HMCN1: variants seen among roughly 807,000 people sequenced by gnomAD.
The protein encoded by HMCN1 is hemicentin-1.
Under a neutral mutation model 625.9 loss-of-function variants are expected in HMCN1, and 321 were observed. The ratio of observed to expected loss-of-function variants is 0.51; its 90% confidence interval spans 0.47 to 0.56. HMCN1 has a LOEUF of 0.56. HMCN1 is among the 20% of genes least tolerant of loss of function. The probability of loss-of-function intolerance (pLI) is 0.00; values close to 1 mark genes in which losing one functional copy is unlikely to be tolerated. For synonymous variants in HMCN1, 2,425 were observed against 2,417.6 expected, an observed-to-expected ratio of 1.00 and a Z score of -0.09; for missense variants, 6,588 against 6,887.3, an observed-to-expected ratio of 0.96 and a Z score of 1.54.
intron 11 of HMCN1, among the ~76,000 whole-genome samples, chr1:185,951,463 A>G (rs1668667550): frequency 6.7e-6 from 1 of 150,270 alleles, no homozygotes; most frequent in Non-Finnish European, 1.5e-5. Context: ...GTATTGATTA[A>G]GAAGGGGATG....
intron 95 of HMCN1, 143 bp from the exon 96 acceptor site, chr1:186,152,607 G>C: frequency 1.1e-6 from 1 of 924,952 alleles, no homozygotes; most frequent in Non-Finnish European, 1.7e-6. Context: ...GGGAGGTTAA[G>C]TGCTATTTCA....
intron 1 of HMCN1, among the ~76,000 whole-genome samples, chr1:185,833,797 T>C (rs898971853): frequency 6.6e-6 from 1 of 152,290 alleles, no homozygotes; most frequent in East Asian, 1.9e-4. Context: ...AATTGTTTTT[T>C]CCTGACAGCC....
At chr1:185,870,812 G>A (rs1372449724) in intron 4 of HMCN1, among the ~76,000 whole-genome samples, 1 of 152,206 alleles carries the variant, frequency 6.6e-6, no homozygotes, top group Non-Finnish European at 1.5e-5. Context: ...CAGGGTATCA[G>A]TAACTGAAGC....
intron 25 of HMCN1, among the ~76,000 whole-genome samples, chr1:185,998,394 A>T (rs965455538): frequency 1.3e-5 from 2 of 152,132 alleles, no homozygotes; most frequent in African/African-American, 4.8e-5. Flanking sequence ...TGCCATGATT[A>T]CTTTATTTTC....
intron 38 of HMCN1, among the ~76,000 whole-genome samples, chr1:186,039,294 C>T (rs1220251450): frequency 1.3e-5 from 2 of 152,072 alleles, no homozygotes; most frequent in Non-Finnish European, 2.9e-5. Context: ...CTGAAAGAAT[C>T]ATAGGTATTA....
chr1:186,151,599 T>C lies in HMCN1; in HGVS notation c.14759-7T>C. ...CTATCACCTTATTTATCCTTTTTTT[T>C]CTTTAGGTTCAGCAATGAGAAAGAT... On this transcript the variant is annotated splice_region_variant and splice_polypyrimidine_tract_variant and intron_variant, in intron 94 of 106. Transcript: ENST00000271588. 1.2e-6 allele frequency: 2 copies of C among 1,610,600 alleles called. No homozygotes were observed. The highest frequency in any genetic ancestry group is 1.7e-5 in the Admixed American group (1 of 59,722).
At chr1:185,745,767 T>G (rs1557937260) in intron 1 of HMCN1, among the ~76,000 whole-genome samples, 1 of 152,236 alleles carries the variant, frequency 6.6e-6, no homozygotes, top group African/African-American at 2.4e-5. Flanking sequence ...CATTTCCAAC[T>G]GTCAGTGTTA....
chr1:186,049,200 G>A (rs577124080), intron 42 of HMCN1, among the ~76,000 whole-genome samples: 2 of 152,168 alleles, frequency 1.3e-5, no homozygotes, highest in African/African-American at 4.8e-5. Context: ...TGTGAACTGT[G>A]TGTGTGTATG....
intron 2 of HMCN1, among the ~76,000 whole-genome samples, chr1:185,860,991 C>A (rs1662833787): frequency 6.6e-6 from 1 of 152,030 alleles, no homozygotes; most frequent in Non-Finnish European, 1.5e-5. Flanking sequence ...GTCTTAGAGA[C>A]CCTATTTCAG....
At chr1:185,819,237 CAAA>C (rs575598587) in intron 1 of HMCN1, among the ~76,000 whole-genome samples, 6,143 of 125,118 alleles carry the variant, frequency 0.049, 446 homozygotes, top group African/African-American at 0.16. Context: ...ATCTCCATCT[CAAA>C]AAAAAAAAAA....
intron 13 of HMCN1, among the ~76,000 whole-genome samples, chr1:185,964,222 C>T (rs1195056704): frequency 2.6e-5 from 4 of 152,042 alleles, no homozygotes; most frequent in Admixed American, 2.6e-4. Flanking sequence ...TCCTTTCTAG[C>T]TTAACTTCCA....
intron 1 of HMCN1, among the ~76,000 whole-genome samples, chr1:185,803,534 A>G (rs2102229904): frequency 6.6e-6 from 1 of 152,126 alleles, no homozygotes; most frequent in South Asian, 2.1e-4. Context: ...GAGGGAAAAA[A>G]GGGAGTTGAA....
intron 102 of HMCN1, among the ~76,000 whole-genome samples, chr1:186,173,542 G>A (rs1395822890): frequency 6.6e-6 from 1 of 151,304 alleles, no homozygotes; most frequent in Non-Finnish European, 1.5e-5. Context: ...TCTGGGGGCT[G>A]AGGTGGGAGG....
At chr1:185,922,932 C>A (rs144242247) in intron 7 of HMCN1, among the ~76,000 whole-genome samples, 1 of 152,232 alleles carries the variant, frequency 6.6e-6, no homozygotes, top group Non-Finnish European at 1.5e-5. Context: ...CGTCACATAT[C>A]ATTGTATTTC....
At chr1:185,755,891 T>A (rs1321739646) in intron 1 of HMCN1, among the ~76,000 whole-genome samples, 2 of 152,174 alleles carry the variant, frequency 1.3e-5, no homozygotes, top group Non-Finnish European at 2.9e-5. Context: ...GGCTCTTTTT[T>A]AAATCTTTCA....
At chr1:185,892,792 G>A (rs1049414073) in intron 4 of HMCN1, among the ~76,000 whole-genome samples, 1 of 152,190 alleles carries the variant, frequency 6.6e-6, no homozygotes, top group South Asian at 2.1e-4. Context: ...CCCAGAGGTG[G>A]AGCCTACAGA....
intron 97 of HMCN1, among the ~76,000 whole-genome samples, chr1:186,164,293 G>A (rs1310030966): frequency 3.4e-5 from 5 of 146,592 alleles, no homozygotes; most frequent in Non-Finnish European, 5.9e-5. Flanking sequence ...AGGCTGGAGT[G>A]CAGTGACGCA....
At chr1:185,920,289 G>C (rs79925961) in intron 6 of HMCN1, among the ~76,000 whole-genome samples, 1 of 151,846 alleles carries the variant, frequency 6.6e-6, no homozygotes, top group African/African-American at 2.4e-5. Flanking sequence ...CTTTGTTTCC[G>C]TTACCCTGGT....
At chr1:185,763,531 T>G (rs371966929) in intron 1 of HMCN1, among the ~76,000 whole-genome samples, 3 of 152,160 alleles carry the variant, frequency 2.0e-5, no homozygotes. Context: ...TAATGGTAGC[T>G]TTTCCAGGAG....
Sources: allele counts gnomAD v4.1 joint callset (sites outside exome capture counted in the v4.1 genomes callset), GRCh38; gene constraint gnomAD v4.1.1; transcripts MANE v1.5; gene names NCBI Gene and HGNC (gene_info 2026-07-23, HGNC 2026-07-21).